Variants in IGDCC3 observed in about 807,000 individuals in gnomAD.
The protein encoded by IGDCC3 is immunoglobulin superfamily DCC subclass member 3, also known as putative neuronal cell adhesion molecule.
IGDCC3 carries 47 observed loss-of-function variants against 72.0 expected under a neutral mutation model. The observed-to-expected ratio is 0.65, with a 90% CI of 0.52 to 0.83. IGDCC3 has a LOEUF of 0.83. Among genes scored for constraint, IGDCC3 ranks in the 40% least tolerant of loss-of-function variants. IGDCC3 has a pLI of 0.00. For synonymous variants in IGDCC3, 477 were observed against 472.8 expected (o/e 1.01, Z -0.11); for missense variants, 1,038 against 1,091.3 (o/e 0.95, Z 0.69).
In IGDCC3 at chr15:65,333,328, A is replaced by G; in HGVS notation, c.911T>C (p.Val304Ala). 1 of 1,613,338 alleles carries G rather than the reference A, an allele frequency of 6.2e-7. No individual in the cohort carries two copies. Among genetic ancestry groups the G allele is most frequent in the Non-Finnish European group, 8.5e-7 (1 of 1,179,706 alleles). The change falls in exon 6 of 14, where the codon GTC becomes GCC. Residue 304 changes from valine to alanine, a missense_variant. Physicochemically the swap from Val to Ala is moderately conservative, Grantham distance 64 (BLOSUM62 0). Coordinates refer to ENST00000327987, the MANE Select transcript of IGDCC3 (RefSeq NM_004884.4). ...ISDVTVQHSG[V>A]YVCAANRPGT... ...AGGTCTGTTGGCTGCACAGACGTAG[A>G]CGCCAGAGTGCTGGACCGTCACGTC...
rs991505810 is a variant in IGDCC3, at chr15:65,339,435, G to A, written c.410-3479C>T. ...TCCCTACGTTGCCCGGACTGGCACA[G>A]CATTTTTTTCTTTAGGAAGTTTGAG... is the stretch of plus-strand genomic sequence containing the variant. On this transcript the variant is annotated intron_variant, in intron 2 of 13. Transcript: ENST00000327987. The surrounding 1 kb of genome is among the most constrained non-coding windows in gnomAD (Gnocchi z 4.1). Among the ~76,000 whole-genome samples, 2 of 152,220 alleles carry A rather than the reference G, an allele frequency of 1.3e-5. No individual in the cohort carries two copies. The highest frequency in any genetic ancestry group is 3.8e-4 in the East Asian group (2 of 5,204).
intron 6 of IGDCC3, among the ~76,000 whole-genome samples, chr15:65,332,673 G>A (rs1243941079): frequency 6.6e-6 from 1 of 152,176 alleles, no homozygotes; most frequent in Non-Finnish European, 1.5e-5. Context: ...CTTTCCCCCG[G>A]TCTCCGGTAG....
At chr15:65,361,839 C>G (rs1416044481) in intron 2 of IGDCC3, among the ~76,000 whole-genome samples, 1 of 152,202 alleles carries the variant, frequency 6.6e-6, no homozygotes, top group Non-Finnish European at 1.5e-5. Context: ...GCCTCGAGGA[C>G]GAGGCATCAT....
rs2090965049 is a variant in IGDCC3, at chr15:65,330,344, C to T, written c.1807G>A (p.Gly603Ser). ...KLLAYNQHGD[G>S]NATVRFVSLR... ...GACACAAAGCGGACTGTGGCATTGC[C>T]ATCTCCATGCTGGTTGTAGGCGAGC... The change falls in exon 11 of 14, where the codon GGC becomes AGC. Residue 603 changes from glycine to serine, a missense_variant. Physicochemically the swap from Gly to Ser is moderately conservative, Grantham distance 56. Coordinates refer to ENST00000327987, the MANE Select transcript of IGDCC3 (RefSeq NM_004884.4). 1 of 1,614,122 alleles carries T rather than the reference C, an allele frequency of 6.2e-7. No homozygotes were observed. The highest frequency in any genetic ancestry group is 8.5e-7 in the Non-Finnish European group (1 of 1,179,976).
intron 2 of IGDCC3, among the ~76,000 whole-genome samples, chr15:65,371,482 G>A (rs553683673): frequency 1.3e-5 from 2 of 152,296 alleles, no homozygotes; most frequent in East Asian, 3.9e-4. Flanking sequence ...TGTGGTCTCT[G>A]CTAGCCCCTT....
chr15:65,339,695 T>C lies in IGDCC3; in HGVS notation c.410-3739A>G, dbSNP rs1254642668. On this transcript the variant is annotated intron_variant, in intron 2 of 13. Coordinates refer to ENST00000327987, the MANE Select transcript of IGDCC3 (RefSeq NM_004884.4). The surrounding 1 kb of genome is among the most constrained non-coding windows in gnomAD (Gnocchi z 4.1). The stretch of plus-strand genomic sequence containing the variant: ...ACAAGTCACCCTGCAGGCCACTGTG[T>C]TGCTGATGACAGTACAGACCAGCTA... Among the ~76,000 whole-genome samples the C allele has an allele frequency of 1.3e-5, 2 of 152,218 alleles. No individual in the cohort carries two copies. The highest frequency in any genetic ancestry group is 4.8e-5 in the African/African-American group (2 of 41,462).
intron 2 of IGDCC3, among the ~76,000 whole-genome samples, chr15:65,341,915 A>G (rs1247388860): frequency 6.6e-6 from 1 of 152,162 alleles, no homozygotes; most frequent in Non-Finnish European, 1.5e-5. Flanking sequence ...CTGGGGTTAC[A>G]GGCACCTGCC....
chr15:65,370,620 G>GTATGTA (rs1555432589), intron 2 of IGDCC3, among the ~76,000 whole-genome samples: 4 of 94,592 alleles, frequency 4.2e-5, no homozygotes, highest in African/African-American at 1.0e-4. Context: ...ATATGTATGT[G>GTATGTA]TATATATATA....
In IGDCC3 at chr15:65,375,220, A is replaced by G; in HGVS notation, c.286T>C (p.Leu96=). ...THSTLLANGS[L]MIRHFRLEPG... ...TCCAGCCTGAAGTGACGGATCATCA[A>G]GGACCCATTGGCCAGCAAGGTGGAG... The change falls in exon 2 of 14, where the codon TTG becomes CTG. Residue 96 remains leucine, a synonymous_variant. Coordinates refer to ENST00000327987, the MANE Select transcript of IGDCC3 (RefSeq NM_004884.4). 1 of 1,614,240 alleles carries G rather than the reference A, an allele frequency of 6.2e-7. No individual in the cohort carries two copies. Among genetic ancestry groups the G allele is most frequent in the Non-Finnish European group, 8.5e-7 (1 of 1,180,052 alleles).
intron 2 of IGDCC3, among the ~76,000 whole-genome samples, chr15:65,368,161 C>CAAAA (rs1491166963): frequency 1.2e-3 from 4 of 3,230 alleles, no homozygotes; most frequent in African/African-American, 1.4e-3. Flanking sequence ...CTCTTTCACT[C>CAAAA]ACACACACAC....
chr15:65,336,056 A>G (rs2141037313), intron 2 of IGDCC3, 100 bp from the exon 3 acceptor site: 1 of 1,266,928 alleles, frequency 7.9e-7, no homozygotes, highest in African/African-American at 1.5e-5. Flanking sequence ...CCTGGAGCCC[A>G]CTCCATCCAG....
At chr15:65,331,299 C>A in intron 8 of IGDCC3, 85 bp from the exon 9 acceptor site, 1 of 1,574,984 alleles carries the variant, frequency 6.3e-7, no homozygotes, top group Non-Finnish European at 8.6e-7. Flanking sequence ...GCCAGGGTGC[C>A]CGGGGGGACA....
intron 4 of IGDCC3, 74 bp from the exon 5 acceptor site, chr15:65,334,939 G>C: frequency 6.7e-7 from 1 of 1,492,394 alleles, no homozygotes; most frequent in East Asian, 2.3e-5. Flanking sequence ...CACAGCCCAG[G>C]ACACAGCGGG....
At chr15:65,355,950 C>G (rs2091217192) in intron 2 of IGDCC3, 1 of 294,722 alleles carries the variant, frequency 3.4e-6, no homozygotes, top group Non-Finnish European at 7.2e-6. Context: ...CCTGTCTCCC[C>G]GAGGAAATAG....
chr15:65,354,545 A>G (rs140232312), intron 2 of IGDCC3, among the ~76,000 whole-genome samples: 1 of 152,268 alleles, frequency 6.6e-6, no homozygotes, highest in African/African-American at 2.4e-5. Context: ...TTGGCTGTTG[A>G]TGCGTCTATC....
intron 2 of IGDCC3, among the ~76,000 whole-genome samples, chr15:65,357,128 G>C (rs1413042564): frequency 1.3e-5 from 2 of 151,526 alleles, no homozygotes; most frequent in Admixed American, 6.6e-5. Flanking sequence ...CTGGGATTAC[G>C]GGTGTGAGCC....
At chr15:65,376,606 C>G (rs893486643) in intron 1 of IGDCC3, among the ~76,000 whole-genome samples, 3 of 147,500 alleles carry the variant, frequency 2.0e-5, no homozygotes, top group African/African-American at 7.5e-5. Context: ...GCGCCCCCCG[C>G]GCCCCCCTCC....
In IGDCC3 at chr15:65,375,210, C is replaced by A; in HGVS notation, c.296G>T (p.Arg99Leu). ...GCCTCCCGGCTCCAGCCTGAAGTGA[C>A]GGATCATCAAGGACCCATTGGCCAG... ...TLLANGSLMI[R>L]HFRLEPGGSP... The change falls in exon 2 of 14, where the codon CGT becomes CTT. Residue 99 changes from arginine to leucine, a missense_variant. Physicochemically the swap from Arg to Leu is moderately radical, Grantham distance 102 (BLOSUM62 -2). Coordinates refer to ENST00000327987, the MANE Select transcript of IGDCC3 (RefSeq NM_004884.4). 1 of 1,614,234 alleles carries A rather than the reference C, an allele frequency of 6.2e-7. No individual in the cohort carries two copies. Among genetic ancestry groups the A allele is most frequent in the Non-Finnish European group, 8.5e-7 (1 of 1,180,048 alleles).
chr15:65,369,713 G>T (rs1453228980), intron 2 of IGDCC3, among the ~76,000 whole-genome samples: 1 of 152,060 alleles, frequency 6.6e-6, no homozygotes, highest in Non-Finnish European at 1.5e-5. Context: ...CACCAGGCCT[G>T]AGCAACTAAC....
Sources: gnomAD v4.1 joint callset for allele counts (sites outside exome capture counted in the v4.1 genomes callset) on GRCh38, gnomAD v4.1.1 for gene constraint, Gnocchi (gnomAD v3.1) non-coding constraint, MANE v1.5 for transcripts, NCBI Gene and HGNC (gene_info 2026-07-23, HGNC 2026-07-21) for gene names.